MYH14: variants seen among roughly 807,000 people sequenced by gnomAD.
MYH14 encodes myosin heavy chain 14.
Under a neutral mutation model 255.5 loss-of-function variants are expected in MYH14, and 123 were observed. The ratio of observed to expected loss-of-function variants is 0.48; its 90% confidence interval spans 0.42 to 0.56. The LOEUF (loss-of-function observed/expected upper bound fraction) is 0.56. MYH14 is among the 20% of genes least tolerant of loss of function. MYH14 has a pLI of 0.00. For synonymous variants in MYH14, 1,095 were observed against 1,161.2 expected, an observed-to-expected ratio of 0.94 and a Z score of 1.16; for missense variants, 2,423 against 2,802.3, an observed-to-expected ratio of 0.86 and a Z score of 3.06.
At chr19:50,288,169 G>A (rs1035242725) in intron 34 of MYH14, among the ~76,000 whole-genome samples, 7 of 152,214 alleles carry the variant, frequency 4.6e-5, no homozygotes, top group Admixed American at 2.0e-4. Context: ...CAGGGACACA[G>A]GCCACCCTCA....
chr19:50,276,735 T>A lies in MYH14; in HGVS notation c.3681-22T>A. 1 of 1,612,970 alleles carries A rather than the reference T, an allele frequency of 6.2e-7. No individual in the cohort carries two copies. Among genetic ancestry groups the A allele is most frequent in the Non-Finnish European group, 8.5e-7 (1 of 1,179,816 alleles). ...TTCCTCTGCTCTGAAATTCCCATCC[T>A]CTCTCCTTTCCCCCAATAAAGGTCC... On this transcript the variant is annotated intron_variant, in intron 28 of 42. Transcript: ENST00000642316. This position sits in a 1 kb window ranked among gnomAD's most constrained non-coding sequence, Gnocchi z 4.3.
rs2034547946 is a variant in MYH14 at position 50,255,222 on chromosome 19, C to T, written c.1948C>T (p.His650Tyr). The change falls in exon 17 of 43, where the codon CAT becomes TAT. Residue 650 changes from histidine to tyrosine, a missense_variant and splice_region_variant. Physicochemically the swap from His to Tyr is moderately conservative, Grantham distance 83. Around this residue, in one of 3 missense-constraint regions of MYH14, gnomAD observed 672 missense variants for 881.8 expected, o/e 0.76. Coordinates refer to ENST00000642316, the MANE Select transcript of MYH14 (RefSeq NM_001145809.2). The part of the protein sequence containing the change: ...RLTAEIWKDE[H>Y]GGFQQFSFLG... ...ACACATCTGTCCTCACTCCCCAGAA[C>T]ATGGGGGCTTCCAGCAGTTCTCTTT... 1 of 1,550,300 alleles carries T rather than the reference C, an allele frequency of 6.5e-7. No individual in the cohort carries two copies. The highest frequency in any genetic ancestry group is 8.7e-7 in the Non-Finnish European group (1 of 1,145,890).
At chr19:50,270,500 A>G (rs2035255242) in intron 24 of MYH14, among the ~76,000 whole-genome samples, 1 of 149,550 alleles carries the variant, frequency 6.7e-6, no homozygotes, top group Admixed American at 6.7e-5. Flanking sequence ...CAGCCTGGGC[A>G]ACAAGAGCAA....
intron 36 of MYH14, 29 bp downstream of exon 36, chr19:50,291,077 G>A (rs756491389): frequency 6.2e-7 from 1 of 1,607,550 alleles, no homozygotes. Context: ...TGCAGGGAGG[G>A]GAGGCTTTGG....
Position 50,230,433 on chromosome 19 carries a change from AG to A in MYH14, c.875-87del, listed in dbSNP as rs2033315132. On this transcript the variant is annotated intron_variant, in intron 8 of 42. Transcript: ENST00000642316. This position sits in a 1 kb window ranked among gnomAD's most constrained non-coding sequence, Gnocchi z 4.7. ...CGACTCCACTACACCACAGGAGAGA[AG>A]GGGGCAGCGTGGGCAGGGCAGGCTC... The A allele has an allele frequency of 8.9e-7, 1 of 1,122,940 alleles. No individual in the cohort carries two copies. Among genetic ancestry groups the A allele is most frequent in the Non-Finnish European group, 1.3e-6 (1 of 760,618 alleles). The allele number at this position is 1,122,940 out of a possible 1,614,324, so 69.6% of individuals were successfully genotyped here.
chr19:50,232,477 C>T (rs573999527), intron 10 of MYH14, among the ~76,000 whole-genome samples: 1 of 151,894 alleles, frequency 6.6e-6, no homozygotes, highest in East Asian at 1.9e-4. Context: ...ACCTGTAATC[C>T]CAGCTACTCA....
chr19:50,261,458 T>A lies in MYH14; in HGVS notation c.2425-17T>A. The A allele has an allele frequency of 2.1e-6, 2 of 936,752 alleles. No individual in the cohort carries two copies. Among genetic ancestry groups the A allele is most frequent in the African/African-American group, 4.2e-5 (1 of 23,616 alleles). 58.0% of individuals were successfully genotyped at this position (936,752 alleles called of 1,614,324 possible). Reference sequence around the variant, plus strand: ...ATCACCCCCTCTCCGTCATCACCCCTCTCCCACCCCTCACAGATCCAGGCG... The same window carrying A: ...ATCACCCCCTCTCCGTCATCACCCCACTCCCACCCCTCACAGATCCAGGCG... On this transcript the variant is annotated splice_polypyrimidine_tract_variant and intron_variant, in intron 20 of 42. Coordinates refer to ENST00000642316, the MANE Select transcript of MYH14 (RefSeq NM_001145809.2).
chr19:50,261,697 C>T (rs2034886079), intron 21 of MYH14, 62 bp downstream of exon 21: 1 of 1,474,580 alleles, frequency 6.8e-7, no homozygotes, highest in Non-Finnish European at 9.0e-7. Flanking sequence ...GAGGGGTTGA[C>T]CAGATGGCTC....
intron 2 of MYH14, among the ~76,000 whole-genome samples, chr19:50,216,213 A>C (rs912891790): frequency 5.9e-5 from 9 of 152,264 alleles, no homozygotes; most frequent in Admixed American, 2.0e-4. Context: ...GAAGGTTCAC[A>C]TCTCTAATCC....
In MYH14 at chr19:50,264,977, G is replaced by T. The variant is rs549872577; in HGVS notation, c.2694+1557G>T. ...GTAATTCTGAATACGATGTCTGAGA[G>T]ATCAGCCTGCATTCCCTTGGTCAGT... On this transcript the variant is annotated intron_variant, in intron 22 of 42. Coordinates refer to ENST00000642316, the MANE Select transcript of MYH14 (RefSeq NM_001145809.2). 7.2e-5 allele frequency among the ~76,000 whole-genome samples: 11 copies of T among 152,328 alleles called. No individual in the cohort carries two copies. The South Asian group carries it at 2.3e-3, about 32-fold the overall frequency.
At chr19:50,240,818 C>CA (rs111510411) in intron 10 of MYH14, among the ~76,000 whole-genome samples, 10,156 of 151,816 alleles carry the variant, frequency 0.067, 509 homozygotes, top group Admixed American at 0.12. Context: ...GAAAAACAAA[C>CA]AAAAAAACCC....
At chr19:50,217,980 G>A (rs1055008985) in intron 3 of MYH14, among the ~76,000 whole-genome samples, 1 of 152,142 alleles carries the variant, frequency 6.6e-6, no homozygotes, top group African/African-American at 2.4e-5. Flanking sequence ...CATGTTCATT[G>A]TCTCTTTTAT....
rs576805323 is a variant in MYH14, at chr19:50,276,402, C to T, written c.3680+199C>T. 9.9e-5 allele frequency among the ~76,000 whole-genome samples: 15 copies of T among 152,250 alleles called. No homozygotes were observed. The highest frequency in any genetic ancestry group is 9.2e-4 in the Admixed American group (14 of 15,282). On this transcript the variant is annotated intron_variant, in intron 28 of 42. Transcript: ENST00000642316. The surrounding 1 kb of genome is among the most constrained non-coding windows in gnomAD (Gnocchi z 4.3). ...GGTGTTACCCTTGGGAACTTCCAGT[C>T]TCAGGGGAGGCAGATTCAGGCAAAG...
intron 34 of MYH14, among the ~76,000 whole-genome samples, chr19:50,288,699 G>C (rs650829): frequency 0.13 from 19,461 of 152,128 alleles, 1,400 homozygotes; most frequent in Non-Finnish European, 0.16. Flanking sequence ...AGTTCAGTGC[G>C]GGAGGCGGGT....
chr19:50,282,985 G>A (rs2035775876), intron 33 of MYH14, among the ~76,000 whole-genome samples: 2 of 151,766 alleles, frequency 1.3e-5, no homozygotes, highest in African/African-American at 4.8e-5. Context: ...CCTTCTTCTT[G>A]GACTCCAAAT....
chr19:50,267,508 C>G (rs918208401), intron 23 of MYH14, among the ~76,000 whole-genome samples: 1 of 151,902 alleles, frequency 6.6e-6, no homozygotes, highest in Non-Finnish European at 1.5e-5. Context: ...AAAAATTAGC[C>G]GGGTGTGATG....
At chr19:50,248,877 G>C (rs927319414) in intron 12 of MYH14, 110 bp from the exon 13 acceptor site, 14 of 1,106,148 alleles carry the variant, frequency 1.3e-5, no homozygotes, top group Admixed American at 2.0e-5. Context: ...CAAGGAGCTG[G>C]GAGGCGACCT....
chr19:50,268,114 C>T (rs1356038181), intron 23 of MYH14, 47 bp from the exon 24 acceptor site: 1 of 1,522,322 alleles, frequency 6.6e-7, no homozygotes, highest in Non-Finnish European at 8.8e-7. Flanking sequence ...TGCAGGTTGC[C>T]CTGGGAGCAC....
rs746323840 is a variant in MYH14, at chr19:50,281,860, A to T, written c.4539+18A>T. The T allele has an allele frequency of 1.2e-6, 2 of 1,603,968 alleles. No individual in the cohort carries two copies. Among genetic ancestry groups the T allele is most frequent in the Non-Finnish European group, 1.7e-6 (2 of 1,172,996 alleles). On this transcript the variant is annotated intron_variant, in intron 33 of 42. Transcript: ENST00000642316. ...TTGACCAGGTGGGGCACCTCAGTTC[A>T]CCCAGCCGGGGAATCAGCAAGTCCA...
Sources: allele counts gnomAD v4.1 joint callset (sites outside exome capture counted in the v4.1 genomes callset), GRCh38; gene constraint gnomAD v4.1.1; regional missense constraint gnomAD v4.1.1; non-coding constraint Gnocchi (gnomAD v3.1); transcripts MANE v1.5; gene names NCBI Gene and HGNC (gene_info 2026-07-23, HGNC 2026-07-21).